GALNT9: variants seen among roughly 807,000 people sequenced by gnomAD.
GALNT9 encodes GalNAc transferase 9.
A neutral mutation model predicts 63.1 loss-of-function variants in GALNT9; 47 were observed. The ratio of observed to expected loss-of-function variants is 0.75; its 90% CI spans 0.59 to 0.95. The LOEUF (loss-of-function observed/expected upper bound fraction) is 0.95, where lower values mean the gene tolerates loss of function less well. Ranked by LOEUF, GALNT9 falls within the 40% of genes least tolerant of loss-of-function variation. The pLI is 0.00. For synonymous variants in GALNT9, 396 were observed against 365.7 expected, an observed-to-expected ratio of 1.08 and a Z score of -0.94; for missense variants, 829 against 874.8, an observed-to-expected ratio of 0.95 and a Z score of 0.66.
At chr12:132,266,086 G>A (rs1033854291) in intron 2 of GALNT9, among the ~76,000 whole-genome samples, 38 of 147,402 alleles carry the variant, frequency 2.6e-4, no homozygotes, top group Non-Finnish European at 4.4e-4. Flanking sequence ...GCCTTTACAC[G>A]CCCGATCTCG....
At chr12:132,254,009 C>T (rs868990048) in intron 5 of GALNT9, among the ~76,000 whole-genome samples, 1 of 150,192 alleles carries the variant, frequency 6.7e-6, no homozygotes, top group Non-Finnish European at 1.5e-5. Flanking sequence ...CTTGAAAATG[C>T]CCTTCACTGT....
intron 9 of GALNT9, among the ~76,000 whole-genome samples, chr12:132,198,211 G>A (rs1185656123): frequency 4.6e-5 from 7 of 152,242 alleles, no homozygotes; most frequent in East Asian, 1.9e-4. Flanking sequence ...CTGGTCTTCC[G>A]CCTGGACAGA....
intron 1 of GALNT9, among the ~76,000 whole-genome samples, chr12:132,287,493 C>T (rs950765534): frequency 6.6e-6 from 1 of 152,162 alleles, no homozygotes; most frequent in Admixed American, 6.5e-5. Flanking sequence ...TAGGAAGAAC[C>T]GAGCCGTCGA....
chr12:132,197,727 C>T, intron 10 of GALNT9, 65 bp downstream of exon 10: 1 of 1,238,418 alleles, frequency 8.1e-7, no homozygotes, highest in South Asian at 1.4e-5. Context: ...GTGGCAGAGG[C>T]ACCCAGGGGT....
At chr12:132,261,599 A>G (rs1375454366) in intron 3 of GALNT9, among the ~76,000 whole-genome samples, 4 of 152,160 alleles carry the variant, frequency 2.6e-5, no homozygotes, top group Non-Finnish European at 5.9e-5. Context: ...GAGGGCAGCC[A>G]CGCCATTCAG....
intron 2 of GALNT9, among the ~76,000 whole-genome samples, chr12:132,263,477 G>T (rs1593091896): frequency 6.6e-6 from 1 of 152,236 alleles, no homozygotes; most frequent in Middle Eastern, 3.4e-3. Flanking sequence ...TGGAGTTGGG[G>T]TGGTGGGCAG....
At position 132,295,686 on chromosome 12, in the gene GALNT9, G is replaced by A. The variant is rs148672275; in HGVS notation, c.239-9256C>T. Among the ~76,000 whole-genome samples, 616 of 152,362 alleles carry A rather than the reference G, an allele frequency of 4.0e-3. 2 individuals are homozygous for A. Among genetic ancestry groups the A allele is most frequent in the African/African-American group, 0.014 (589 of 41,578 alleles). The stretch of plus-strand genomic sequence containing the variant: ...CTCCCCTGGAGACTATGGAGGGAGC[G>A]TGGCCCAGCCAGCACCGTGATTCTG... On this transcript the variant is annotated intron_variant, in intron 1 of 10. Coordinates refer to ENST00000328957, the MANE Select transcript of GALNT9 (RefSeq NM_001122636.2).
chr12:132,297,911 C>T (rs2135572017), intron 1 of GALNT9, among the ~76,000 whole-genome samples: 1 of 152,082 alleles, frequency 6.6e-6, no homozygotes, highest in African/African-American at 2.4e-5. Flanking sequence ...TGATAACCAA[C>T]TCACTCCTAG....
chr12:132,264,283 G>A (rs112062672), intron 2 of GALNT9, among the ~76,000 whole-genome samples: 67 of 152,356 alleles, frequency 4.4e-4, no homozygotes, highest in African/African-American at 1.5e-3. Context: ...GCGGAGAAGC[G>A]TGTGAGGAGC....
At position 132,245,517 on chromosome 12, in the gene GALNT9, TCCGGCACCCACACCCCCAGCCCAGC is replaced by T; in HGVS notation, c.1077+2368_1077+2392del. On this transcript the variant is annotated intron_variant, in intron 6 of 10. Coordinates refer to ENST00000328957, the MANE Select transcript of GALNT9 (RefSeq NM_001122636.2). The surrounding 1 kb of genome is among the most constrained non-coding windows in gnomAD (Gnocchi z 6.3). Reference sequence around the variant, plus strand: ...CGGCTGCAGCCAGGGCCCTCTGTGGTCCGGCACCCACACCCCCAGCCCAGCCTGCTGACCCTCGCCCAGCCAGGGC... The same window carrying T: ...CGGCTGCAGCCAGGGCCCTCTGTGGTCTGCTGACCCTCGCCCAGCCAGGGC... Among the ~76,000 whole-genome samples, 1 of 150,526 alleles carries T rather than the reference TCCGGCACCCACACCCCCAGCCCAGC, an allele frequency of 6.6e-6. No homozygotes were observed. Among genetic ancestry groups the T allele is most frequent in the South Asian group, 2.1e-4 (1 of 4,772 alleles).
intron 1 of GALNT9, among the ~76,000 whole-genome samples, chr12:132,303,939 G>A (rs115398092): frequency 0.074 from 1,086 of 14,722 alleles, 177 homozygotes; most frequent in East Asian, 0.67. Flanking sequence ...ACACACCCTC[G>A]CCCGGGCACA....
intron 6 of GALNT9, chr12:132,205,795 CG>C (rs1876651067): frequency 6.6e-6 from 1 of 152,172 alleles, no homozygotes; most frequent in South Asian, 2.1e-4. Context: ...AGACTAGGGT[CG>C]GGATTTCTGT....
At chr12:132,266,096 G>A (rs896198704) in intron 2 of GALNT9, among the ~76,000 whole-genome samples, 6 of 140,460 alleles carry the variant, frequency 4.3e-5, no homozygotes, top group Non-Finnish European at 8.9e-5. Context: ...GCCCGATCTC[G>A]CCGTATTTCA....
chr12:132,288,186 T>C (rs1880676963), intron 1 of GALNT9, among the ~76,000 whole-genome samples: 1 of 152,120 alleles, frequency 6.6e-6, no homozygotes, highest in Admixed American at 6.5e-5. Flanking sequence ...CTGGGAAGAT[T>C]CCAGTCTGTG....
rs111981074 is a variant in GALNT9, at chr12:132,200,917, A to G, written c.1401+207T>C. On this transcript the variant is annotated intron_variant, in intron 8 of 10. Transcript: ENST00000328957. ...ATGTGAACCTGCACCTTGTGTGTGC[A>G]CGTGGATGTGCCTGCATCACCGTGA... The G allele has an allele frequency of 2.5e-4, 146 of 573,322 alleles. 1 individual carries two copies. The highest frequency in any genetic ancestry group is 2.4e-3 in the African/African-American group (129 of 53,066). 35.5% of individuals were successfully genotyped at this position (573,322 alleles called of 1,614,324 possible). A position where few individuals can be genotyped will look rare whatever the true frequency, so the allele number is the denominator to read the frequency against.
At chr12:132,213,309 T>G (rs1435715705) in intron 6 of GALNT9, among the ~76,000 whole-genome samples, 4 of 152,248 alleles carry the variant, frequency 2.6e-5, no homozygotes, top group African/African-American at 9.6e-5. Flanking sequence ...ACTGCCCACC[T>G]TAAGGATCTC....
chr12:132,292,396 A>C (rs1033102325), intron 1 of GALNT9, among the ~76,000 whole-genome samples: 1 of 152,158 alleles, frequency 6.6e-6, no homozygotes, highest in Non-Finnish European at 1.5e-5. Flanking sequence ...CATCCCCGCA[A>C]TGAAGAGACA....
intron 9 of GALNT9, among the ~76,000 whole-genome samples, chr12:132,198,439 TG>T (rs1482034417): frequency 6.6e-6 from 1 of 150,490 alleles, no homozygotes; most frequent in Admixed American, 6.6e-5. Flanking sequence ...GGGCTGGGGC[TG>T]GGGCTGGGCC....
rs186869918 is a variant in GALNT9, at chr12:132,318,909, G to A, written c.238+10057C>T. On this transcript the variant is annotated intron_variant, in intron 1 of 10. Transcript: ENST00000328957. ...GGTGCTCAGAGATGACAGTCCTAACGGAGAGGCAGGAAGCCTGCGTGTCCC... is the reference window on the plus strand; with the variant it reads ...GGTGCTCAGAGATGACAGTCCTAACAGAGAGGCAGGAAGCCTGCGTGTCCC... Among the ~76,000 whole-genome samples, 199 of 152,346 alleles carry A rather than the reference G, an allele frequency of 1.3e-3. 1 individual carries two copies. Among genetic ancestry groups the A allele is most frequent in the African/African-American group, 4.6e-3 (193 of 41,588 alleles).
Sources: gnomAD v4.1 joint callset for allele counts (sites outside exome capture counted in the v4.1 genomes callset) on GRCh38, gnomAD v4.1.1 for gene constraint, Gnocchi (gnomAD v3.1) non-coding constraint, MANE v1.5 for transcripts, NCBI Gene and HGNC (gene_info 2026-07-23, HGNC 2026-07-21) for gene names.